RICTOR: variants seen among roughly 807,000 people sequenced by gnomAD.
RICTOR encodes the protein RPTOR independent companion of MTOR complex 2.
A neutral mutation model predicts 214.9 loss-of-function variants in RICTOR; 49 were observed. That is an observed-to-expected ratio of 0.23 (90% CI 0.18 to 0.29). The LOEUF (loss-of-function observed/expected upper bound fraction) is 0.29. RICTOR is among the 10% of genes least tolerant of loss of function. The probability of loss-of-function intolerance (pLI) is 1.00; values close to 1 mark genes in which losing one functional copy is unlikely to be tolerated. For synonymous variants in RICTOR, 717 were observed against 711.3 expected (o/e 1.01, Z -0.13); for missense variants, 1,625 against 2,047.0 (o/e 0.79, Z 3.98).
intron 2 of RICTOR, among the ~76,000 whole-genome samples, chr5:39,039,736 T>C (rs1757025775): frequency 6.6e-6 from 1 of 152,170 alleles, no homozygotes. Flanking sequence ...TCACTGGCCA[T>C]CAGAGAAATG....
chr5:38,943,865 T>G (rs1747881767), intron 36 of RICTOR, among the ~76,000 whole-genome samples: 1 of 152,042 alleles, frequency 6.6e-6, no homozygotes, highest in Admixed American at 6.6e-5. Context: ...GACCCTGAGG[T>G]GCATTTCTTT....
At chr5:39,034,102 C>T (rs955004259) in intron 2 of RICTOR, among the ~76,000 whole-genome samples, 8 of 152,140 alleles carry the variant, frequency 5.3e-5, no homozygotes, top group Non-Finnish European at 7.3e-5. Context: ...TCATTCTGTA[C>T]CTTTGGATAA....
chr5:39,009,629 G>C (rs1181974077), intron 3 of RICTOR, among the ~76,000 whole-genome samples: 1 of 152,018 alleles, frequency 6.6e-6, no homozygotes, highest in Non-Finnish European at 1.5e-5. Context: ...ATTCAATAAT[G>C]GTTAAATGCC....
rs141745592 is a variant in RICTOR, at chr5:38,996,843, T to C, written c.432A>G (p.Thr144=). 1,655 of 1,611,046 alleles carry C rather than the reference T, an allele frequency of 1.0e-3. 6 individuals are homozygous for C. Among genetic ancestry groups the C allele is most frequent in the Middle Eastern group, 1.2e-3 (7 of 6,044 alleles). Residue 144 remains threonine (T), a synonymous_variant, in exon 6 of 38, where the codon ACA becomes ACG. Transcript: ENST00000357387. ...DIQQSNEVER[T]QALRLVRKMI... ...CCTTTCTGACTAATCGAAGTGCTTG[T>C]GTCCTCTCTACCTCGTTGCTCTGTT... is the stretch of plus-strand genomic sequence containing the variant.
At chr5:38,983,523 T>G (rs888789396) in intron 7 of RICTOR, among the ~76,000 whole-genome samples, 3 of 152,242 alleles carry the variant, frequency 2.0e-5, no homozygotes, top group African/African-American at 7.2e-5. Flanking sequence ...GTGGTATCTG[T>G]AGAAATTCAC....
At chr5:39,049,893 GATA>G (rs1757732632) in intron 2 of RICTOR, among the ~76,000 whole-genome samples, 1 of 152,008 alleles carries the variant, frequency 6.6e-6, no homozygotes, top group African/African-American at 2.4e-5. Context: ...AACCAAGAAA[GATA>G]ATGAGAAACT....
chr5:39,015,058 G>A (rs148508249), intron 3 of RICTOR, among the ~76,000 whole-genome samples: 44 of 152,114 alleles, frequency 2.9e-4, no homozygotes, highest in African/African-American at 1.1e-3. Context: ...TAAATACTAC[G>A]TATTTTTTTG....
At chr5:38,944,088 A>G (rs1188386945) in intron 36 of RICTOR, 1 of 373,548 alleles carries the variant, frequency 2.7e-6, no homozygotes, top group Non-Finnish European at 5.2e-6. Flanking sequence ...AACATGCATT[A>G]ATTTATTTTA....
At chr5:38,988,052 TG>T (rs1367771757) in intron 7 of RICTOR, among the ~76,000 whole-genome samples, 3 of 152,210 alleles carry the variant, frequency 2.0e-5, no homozygotes, top group Non-Finnish European at 4.4e-5. Flanking sequence ...CTAATTTGAT[TG>T]AACTGTAGCC....
chr5:38,956,246 A>G (rs1749255630), intron 25 of RICTOR, among the ~76,000 whole-genome samples: 1 of 152,206 alleles, frequency 6.6e-6, no homozygotes, highest in African/African-American at 2.4e-5. Flanking sequence ...ACCTTCAATG[A>G]TCAAAATTCC....
At chr5:38,969,296 G>C (rs942100109) in intron 11 of RICTOR, among the ~76,000 whole-genome samples, 14 of 151,842 alleles carry the variant, frequency 9.2e-5, no homozygotes, top group African/African-American at 3.4e-4. Flanking sequence ...TAACAAAAAA[G>C]TTTAAAAAGT....
chr5:39,021,975 A>G (rs914295395), intron 2 of RICTOR, among the ~76,000 whole-genome samples: 1 of 152,234 alleles, frequency 6.6e-6, no homozygotes, highest in South Asian at 2.1e-4. Flanking sequence ...TAATTTTTCA[A>G]CTTTACATGG....
At chr5:39,058,196 A>G (rs546219112) in intron 2 of RICTOR, among the ~76,000 whole-genome samples, 1 of 152,212 alleles carries the variant, frequency 6.6e-6, no homozygotes, top group East Asian at 1.9e-4. Flanking sequence ...ACTGAAAACA[A>G]CAAAAAAATC....
At chr5:39,010,168 G>A (rs1754393774) in intron 3 of RICTOR, among the ~76,000 whole-genome samples, 1 of 152,122 alleles carries the variant, frequency 6.6e-6, no homozygotes, top group Non-Finnish European at 1.5e-5. Context: ...AATCTCGTCT[G>A]ACAGTGAGTT....
intron 6 of RICTOR, among the ~76,000 whole-genome samples, chr5:38,996,410 T>C (rs1753179294): frequency 6.6e-6 from 1 of 152,206 alleles, no homozygotes; most frequent in African/African-American, 2.4e-5. Flanking sequence ...GTATCCAAAT[T>C]CACCTTTAAA....
At chr5:39,015,012 C>T (rs772722292) in intron 3 of RICTOR, among the ~76,000 whole-genome samples, 19 of 152,148 alleles carry the variant, frequency 1.2e-4, no homozygotes, top group Admixed American at 6.5e-4. Context: ...TTATGTGACA[C>T]GCTTTTGAGT....
rs768536212 is a variant in RICTOR at position 38,950,676 on chromosome 5, T to C, written c.3172A>G (p.Ser1058Gly). Residue 1058 changes from serine (S) to glycine (G), a missense_variant, in exon 31 of 38, where the codon AGC becomes GGC. By Grantham distance (56) the Ser-to-Gly change is moderately conservative (BLOSUM62 0). Around this residue, in one of 5 missense-constraint regions of RICTOR, gnomAD observed 1,214 missense variants for 1,470.5 expected, o/e 0.83. Transcript: ENST00000357387. ...TCATTGATATCAAGGAAAAATGTGC[T>C]AGTAGAGCTGCTGCCAAACCGGTCA... is the stretch of plus-strand genomic sequence containing the variant. ...EDDRFGSSST[S>G]TFFLDINEDT... 6.2e-7 allele frequency: 1 copy of C among 1,606,646 alleles called. No individual in the cohort carries two copies. Among genetic ancestry groups the C allele is most frequent in the Non-Finnish European group, 8.5e-7 (1 of 1,176,458 alleles).
Position 38,956,221 on chromosome 5 carries a change from A to G in RICTOR, c.2500-517T>C, listed in dbSNP as rs559525976. ...AATTCTTGTTTCTAAACTTGTGTCA[A>G]TATTTCTAGACTTTACCTTCAATGA... On this transcript the variant is annotated intron_variant, in intron 25 of 37. Transcript: ENST00000357387. Among the ~76,000 whole-genome samples the G allele has an allele frequency of 5.9e-5, 9 of 152,134 alleles. No individual in the cohort carries two copies. In the East Asian group the frequency reaches 9.7e-4, roughly 16 times the overall value.
At chr5:38,978,678 A>C (rs1318398417) in intron 8 of RICTOR, 28 bp from the exon 9 acceptor site, 2 of 1,162,292 alleles carry the variant, frequency 1.7e-6, no homozygotes, top group African/African-American at 1.6e-5. Context: ...GGAAGAAAAG[A>C]GTCTTTATTT....
Sources: allele counts gnomAD v4.1 joint callset (sites outside exome capture counted in the v4.1 genomes callset), GRCh38; gene constraint gnomAD v4.1.1; regional missense constraint gnomAD v4.1.1; transcripts MANE v1.5; gene names NCBI Gene and HGNC (gene_info 2026-07-23, HGNC 2026-07-21).